Variants in COL21A1 observed in about 807,000 individuals in gnomAD.
COL21A1 encodes collagen alpha-1(XXI) chain.
In COL21A1, 149 loss-of-function variants were observed where a neutral mutation model predicts 137.9. That is an observed-to-expected ratio of 1.08 (90% CI 0.95 to 1.24). The LOEUF is 1.24. COL21A1 is among the 50% of genes most tolerant of loss of function. The pLI is 0.00. For missense variants in COL21A1, 1,167 were observed against 1,158.4 expected (o/e 1.01, Z -0.11); for synonymous variants, 456 against 391.5 (o/e 1.16, Z -1.95).
At chr6:56,088,773 C>CA (rs972137125) in intron 17 of COL21A1, among the ~76,000 whole-genome samples, 1 of 152,060 alleles carries the variant, frequency 6.6e-6, no homozygotes, top group East Asian at 1.9e-4. Context: ...GAAAAATACG[C>CA]AAAAAACCAC....
chr6:56,265,186 G>A (rs1260278226), intron 1 of COL21A1, among the ~76,000 whole-genome samples: 3 of 152,204 alleles, frequency 2.0e-5, no homozygotes, highest in African/African-American at 7.2e-5. Flanking sequence ...TTAAGACTGT[G>A]TGAGTTTGCC....
At chr6:56,150,514 T>TCA (rs747022399) in intron 10 of COL21A1, among the ~76,000 whole-genome samples, 7,016 of 45,428 alleles carry the variant, frequency 0.15, 232 homozygotes, top group Non-Finnish European at 0.16. Flanking sequence ...CGAGACTCCA[T>TCA]CACACACACA....
rs1776753259 is a variant in COL21A1, at chr6:56,168,283, T to C, written c.1041A>G (p.Glu347=). ...CTAAGAGACGAATTTGGTGCCAGCCTTCATCAAACAACGTCTACAAAAAGA... is the reference window on the plus strand; with the variant it reads ...CTAAGAGACGAATTTGGTGCCAGCCCTCATCAAACAACGTCTACAAAAAGA... ...ANPQVKTLFD[E]GWHQIRLLVT... is the part of the protein sequence containing the mutation. The change falls in exon 6 of 30, where the codon GAA becomes GAG. Residue 347 remains glutamate (E), a synonymous_variant. Coordinates refer to ENST00000244728, the MANE Select transcript of COL21A1 (RefSeq NM_030820.4). 6.5e-7 allele frequency: 1 copy of C among 1,540,064 alleles called. No individual in the cohort carries two copies. The highest frequency in any genetic ancestry group is 1.9e-5 in the Admixed American group (1 of 53,106).
chr6:56,269,443 C>T (rs1041905354), intron 1 of COL21A1, among the ~76,000 whole-genome samples: 26 of 151,754 alleles, frequency 1.7e-4, no homozygotes, highest in Admixed American at 1.6e-3. Flanking sequence ...ATCACGAGGT[C>T]AGGAGATCGA....
At chr6:56,384,963 C>T (rs1036939882) in intron 1 of COL21A1, among the ~76,000 whole-genome samples, 6 of 152,158 alleles carry the variant, frequency 3.9e-5, no homozygotes, top group Non-Finnish European at 7.4e-5. Context: ...GAGACACTTC[C>T]GAGATGCTAT....
intron 1 of COL21A1, among the ~76,000 whole-genome samples, chr6:56,305,601 T>A (rs897697418): frequency 6.6e-6 from 1 of 152,180 alleles, no homozygotes; most frequent in Admixed American, 6.5e-5. Context: ...TCTTCCTCCA[T>A]CCCTTTATTT....
chr6:56,329,338 C>T (rs575105775), intron 1 of COL21A1, among the ~76,000 whole-genome samples: 26 of 152,134 alleles, frequency 1.7e-4, no homozygotes, highest in Non-Finnish European at 3.4e-4. Flanking sequence ...GTTCTTTGAG[C>T]TTTGCCCCAG....
In COL21A1 at chr6:56,168,274, G is replaced by T; in HGVS notation, c.1050C>A (p.His350Gln). ...GTTCTGTTACTAAGAGACGAATTTG[G>T]TGCCAGCCTTCATCAAACAACGTCT... ...QVKTLFDEGW[H>Q]QIRLLVTEQD... The change falls in exon 6 of 30, where the codon CAC becomes CAA. Residue 350 changes from histidine (H) to glutamine (Q), a missense_variant. By Grantham distance (24) the His-to-Gln change is conservative. Transcript: ENST00000244728. 6.5e-7 allele frequency: 1 copy of T among 1,540,848 alleles called. No homozygotes were observed. The highest frequency in any genetic ancestry group is 1.8e-5 in the Admixed American group (1 of 54,194).
At chr6:56,097,422 A>C (rs1414841143) in intron 17 of COL21A1, among the ~76,000 whole-genome samples, 2 of 151,896 alleles carry the variant, frequency 1.3e-5, no homozygotes, top group Non-Finnish European at 2.9e-5. Flanking sequence ...TTATCCTTTT[A>C]CCATCTATCT....
intron 20 of COL21A1, among the ~76,000 whole-genome samples, chr6:56,072,129 A>T (rs1766808991): frequency 6.6e-6 from 1 of 151,592 alleles, no homozygotes; most frequent in South Asian, 2.1e-4. Flanking sequence ...AGCTGTATCC[A>T]TATCCCTGGC....
intron 1 of COL21A1, among the ~76,000 whole-genome samples, chr6:56,212,040 T>G (rs944766050): frequency 1.3e-5 from 2 of 152,088 alleles, no homozygotes; most frequent in Admixed American, 1.3e-4. Context: ...AGAAATTTGG[T>G]CTAACCTAAA....
At chr6:56,389,251 AC>A (rs2094024455) in intron 1 of COL21A1, among the ~76,000 whole-genome samples, 1 of 152,114 alleles carries the variant, frequency 6.6e-6, no homozygotes, top group Non-Finnish European at 1.5e-5. Flanking sequence ...AGTCCCAGCT[AC>A]TTGGGAGGCT....
intron 12 of COL21A1, among the ~76,000 whole-genome samples, chr6:56,131,215 C>T (rs760286748): frequency 1.3e-5 from 2 of 151,688 alleles, no homozygotes; most frequent in Non-Finnish European, 2.9e-5. Flanking sequence ...GATAAAAAGC[C>T]TTGCTTGTAA....
chr6:56,177,569 G>A (rs891775890), intron 3 of COL21A1, among the ~76,000 whole-genome samples: 14 of 152,172 alleles, frequency 9.2e-5, no homozygotes, highest in Admixed American at 4.6e-4. Context: ...TGAGGCGGGC[G>A]GATCATGAGG....
At chr6:56,092,525 A>G (rs915331349) in intron 17 of COL21A1, among the ~76,000 whole-genome samples, 8 of 152,180 alleles carry the variant, frequency 5.3e-5, no homozygotes, top group African/African-American at 1.9e-4. Context: ...AGACAAATTA[A>G]GTTTTTAAAA....
intron 18 of COL21A1, 51 bp from the exon 19 acceptor site, chr6:56,075,583 TTTC>T: frequency 1.5e-6 from 2 of 1,325,594 alleles, no homozygotes; most frequent in Non-Finnish European, 2.1e-6. Context: ...TATCAATTTA[TTTC>T]AAGAAAGCTT....
intron 1 of COL21A1, among the ~76,000 whole-genome samples, chr6:56,388,681 GC>G (rs1253138173): frequency 1.3e-5 from 2 of 152,132 alleles, no homozygotes; most frequent in African/African-American, 4.8e-5. Context: ...GTACAAACAA[GC>G]CCAGACTGCA....
intron 1 of COL21A1, among the ~76,000 whole-genome samples, chr6:56,323,135 T>C (rs899896017): frequency 2.6e-5 from 4 of 152,090 alleles, no homozygotes; most frequent in Non-Finnish European, 4.4e-5. Context: ...AATATATCCA[T>C]GCAACATGTA....
chr6:56,097,072 G>C (rs1224633252), intron 17 of COL21A1, among the ~76,000 whole-genome samples: 1 of 152,096 alleles, frequency 6.6e-6, no homozygotes, highest in African/African-American at 2.4e-5. Context: ...ATACAGACCA[G>C]AAGAATTGTT....
Sources: allele counts gnomAD v4.1 joint callset (sites outside exome capture counted in the v4.1 genomes callset), GRCh38; gene constraint gnomAD v4.1.1; transcripts MANE v1.5; gene names NCBI Gene and HGNC (gene_info 2026-07-23, HGNC 2026-07-21).